RPS6KA2: variants seen among roughly 807,000 people sequenced by gnomAD.
The protein encoded by RPS6KA2 is ribosomal protein S6 kinase alpha-2.
A neutral mutation model predicts 91.8 loss-of-function variants in RPS6KA2; 42 were observed. The observed-to-expected ratio is 0.46, with a 90% confidence interval of 0.36 to 0.59. The LOEUF is 0.59. RPS6KA2 is among the 20% of genes least tolerant of loss of function. The pLI is 0.00. For missense variants in RPS6KA2, 798 were observed against 978.5 expected (o/e 0.82, Z 2.46); for synonymous variants, 414 against 393.6 (o/e 1.05, Z -0.61).
rs1781737779 is a variant in RPS6KA2 at position 166,495,027 on chromosome 6, C to T, written c.747+3481G>A. ...ATGCCACCCACGGACGTGTGGGAAG[C>T]GTGGGGCCTCCACAGTCAAGACCTT... On this transcript the variant is annotated intron_variant, in intron 8 of 20. Transcript: ENST00000265678. This position sits in a 1 kb window ranked among gnomAD's most constrained non-coding sequence, Gnocchi z 4.4. Among the ~76,000 whole-genome samples, 1 of 152,210 alleles carries T rather than the reference C, an allele frequency of 6.6e-6. No homozygotes were observed. Among genetic ancestry groups the T allele is most frequent in the Admixed American group, 6.5e-5 (1 of 15,292 alleles).
At chr6:166,486,508 G>T (rs1040273651) in intron 10 of RPS6KA2, among the ~76,000 whole-genome samples, 3 of 152,210 alleles carry the variant, frequency 2.0e-5, no homozygotes, top group African/African-American at 7.2e-5. Context: ...CCTCTGTCTG[G>T]GTGACAGTTC....
intron 2 of RPS6KA2, among the ~76,000 whole-genome samples, chr6:166,761,649 T>G (rs1778173288): frequency 6.6e-6 from 1 of 152,232 alleles, no homozygotes. Context: ...AGCAATATTT[T>G]GTGTCTTCCT....
intron 1 of RPS6KA2, among the ~76,000 whole-genome samples, chr6:166,624,670 C>G (rs1029704586): frequency 6.6e-6 from 1 of 152,274 alleles, no homozygotes; most frequent in South Asian, 2.1e-4. Context: ...TAAACACTTG[C>G]AGAATGAATT....
At chr6:166,711,074 A>AG (rs1339249335) in intron 2 of RPS6KA2, among the ~76,000 whole-genome samples, 1 of 151,656 alleles carries the variant, frequency 6.6e-6, no homozygotes, top group African/African-American at 2.4e-5. Flanking sequence ...ACATCCCCCC[A>AG]GGGGTGGTGT....
At chr6:166,779,736 C>T (rs1254540764) in intron 2 of RPS6KA2, among the ~76,000 whole-genome samples, 1 of 152,130 alleles carries the variant, frequency 6.6e-6, no homozygotes, top group Admixed American at 6.5e-5. Context: ...CCTCTCACCC[C>T]AGACTCTCAC....
chr6:166,835,582 T>C (rs761289857), intron 2 of RPS6KA2, among the ~76,000 whole-genome samples: 7 of 152,262 alleles, frequency 4.6e-5, no homozygotes, highest in Non-Finnish European at 1.0e-4. Flanking sequence ...AAAATTGACT[T>C]TGGCATATTT....
intron 1 of RPS6KA2, among the ~76,000 whole-genome samples, chr6:166,564,453 C>T (rs530603530): frequency 2.0e-5 from 3 of 152,316 alleles, no homozygotes; most frequent in Non-Finnish European, 2.9e-5. Context: ...GCTTCTGTGC[C>T]GCTCTTCCAA....
Position 166,648,033 on chromosome 6 carries a change from C to T in RPS6KA2, c.124-109249G>A, listed in dbSNP as rs1256520600. Among the ~76,000 whole-genome samples the T allele has an allele frequency of 6.9e-6, 1 of 144,268 alleles. No individual in the cohort carries two copies. Among genetic ancestry groups the T allele is most frequent in the Non-Finnish European group, 1.5e-5 (1 of 66,816 alleles). 94.6% of individuals were successfully genotyped at this position (144,268 alleles called of 152,430 possible). The stretch of plus-strand genomic sequence containing the variant: ...ACATGCTTACACACATACATACACA[C>T]ATGCTCTCACACACATGCACATGCT... On this transcript the variant is annotated intron_variant, in intron 2 of 21. Transcript: ENST00000503859. This position sits in a 1 kb window ranked among gnomAD's most constrained non-coding sequence, Gnocchi z 4.8.
intron 2 of RPS6KA2, among the ~76,000 whole-genome samples, chr6:166,807,052 C>G (rs1779509815): frequency 6.6e-6 from 1 of 152,082 alleles, no homozygotes; most frequent in African/African-American, 2.4e-5. Flanking sequence ...TAAAAATCAA[C>G]TAAACACAAA....
intron 4 of RPS6KA2, among the ~76,000 whole-genome samples, chr6:166,509,148 A>G (rs1782374363): frequency 6.6e-6 from 1 of 152,360 alleles, no homozygotes; most frequent in African/African-American, 2.4e-5. Flanking sequence ...CATAGCCCCC[A>G]GCTAGAAAGC....
chr6:166,710,387 A>C (rs1789807590), intron 2 of RPS6KA2, among the ~76,000 whole-genome samples: 1 of 152,048 alleles, frequency 6.6e-6, no homozygotes, highest in African/African-American at 2.4e-5. Context: ...GTACTCTTTG[A>C]TATATTTTTT....
At chr6:166,779,033 C>T (rs1033388819) in intron 2 of RPS6KA2, among the ~76,000 whole-genome samples, 2 of 152,220 alleles carry the variant, frequency 1.3e-5, no homozygotes, top group African/African-American at 2.4e-5. Context: ...TTCACATTGA[C>T]GTGTCTAGAC....
intron 2 of RPS6KA2, among the ~76,000 whole-genome samples, chr6:166,735,670 C>CA (rs35930356): frequency 0.26 from 40,086 of 151,874 alleles, 6,763 homozygotes; most frequent in African/African-American, 0.48. Flanking sequence ...GCACAGTTCA[C>CA]AATAGGGTTC....
chr6:166,810,960 C>T (rs7774719), intron 2 of RPS6KA2, among the ~76,000 whole-genome samples: 27,002 of 152,098 alleles, frequency 0.18, 2,628 homozygotes, highest in East Asian at 0.28. Flanking sequence ...CATCTTCCCT[C>T]GAGAAGCCAG....
intron 1 of RPS6KA2, among the ~76,000 whole-genome samples, chr6:166,604,732 G>A (rs1785881833): frequency 6.6e-6 from 1 of 152,188 alleles, no homozygotes; most frequent in Non-Finnish European, 1.5e-5. Context: ...TATTTCCACA[G>A]CAAAATAATG....
At chr6:166,837,009 C>T (rs978331024) in intron 2 of RPS6KA2, among the ~76,000 whole-genome samples, 2 of 152,302 alleles carry the variant, frequency 1.3e-5, no homozygotes, top group African/African-American at 4.8e-5. Flanking sequence ...CCCAGCACAG[C>T]GGGATTTCCA....
intron 2 of RPS6KA2, among the ~76,000 whole-genome samples, chr6:166,671,045 T>C (rs1020218234): frequency 5.3e-5 from 8 of 152,178 alleles, no homozygotes; most frequent in Non-Finnish European, 1.2e-4. Flanking sequence ...ACTCCTGTCC[T>C]GAAGTGATCC....
At chr6:166,670,329 C>T (rs1788437011) in intron 2 of RPS6KA2, among the ~76,000 whole-genome samples, 1 of 152,228 alleles carries the variant, frequency 6.6e-6, no homozygotes, top group African/African-American at 2.4e-5. Flanking sequence ...CCAACGTCAT[C>T]CTTCGGATGA....
chr6:166,418,767 C>T lies in RPS6KA2; in HGVS notation c.1821-425G>A, dbSNP rs1251796031. On this transcript the variant is annotated intron_variant, in intron 18 of 20. Transcript: ENST00000265678. The surrounding 1 kb of genome is among the most constrained non-coding windows in gnomAD (Gnocchi z 4.9). ...GACAAGTTAACTTTTTGAGCCTCCA[C>T]TGCAAATGCAGAGTGTATGCACAAA... Among the ~76,000 whole-genome samples, 3 of 152,260 alleles carry T rather than the reference C, an allele frequency of 2.0e-5. No homozygotes were observed. Among genetic ancestry groups the T allele is most frequent in the Non-Finnish European group, 2.9e-5 (2 of 68,050 alleles).
Sources: gnomAD v4.1 joint callset for allele counts (sites outside exome capture counted in the v4.1 genomes callset) on GRCh38, gnomAD v4.1.1 for gene constraint, Gnocchi (gnomAD v3.1) non-coding constraint, MANE v1.5 for transcripts, NCBI Gene and HGNC (gene_info 2026-07-23, HGNC 2026-07-21) for gene names.